Variants in MDFIC observed in about 807,000 individuals in gnomAD.
MDFIC encodes MyoD family inhibitor domain containing, also known as myoD family inhibitor domain-containing protein.
MDFIC carries 17 observed loss-of-function variants against 23.2 expected under a neutral mutation model. The ratio of observed to expected loss-of-function variants is 0.73; its 90% confidence interval spans 0.50 to 1.10. The LOEUF (loss-of-function observed/expected upper bound fraction) is 1.10, where lower values mean the gene tolerates loss of function less well. Among genes scored for constraint, MDFIC ranks in the 50% least tolerant of loss-of-function variants. MDFIC has a pLI of 0.00. For missense variants in MDFIC, 356 were observed against 316.6 expected, an observed-to-expected ratio of 1.12 and a Z score of -0.95; for synonymous variants, 120 against 115.2, an observed-to-expected ratio of 1.04 and a Z score of -0.27.
chr7:114,979,725 G>T lies in MDFIC; in HGVS notation c.437G>T (p.Ser146Ile). The change falls in exon 4 of 5, where the codon AGT (serine) becomes ATT (isoleucine). Residue 146 changes from serine to isoleucine, a missense_variant. By Grantham distance (142) the Ser-to-Ile change is moderately radical (BLOSUM62 -2). Coordinates refer to ENST00000393486, the MANE Select transcript of MDFIC (RefSeq NM_001166345.3). ...QSSLSVNSDI[S>I]KKSKVNAVFS... ...AGCTTGTCTGTAAACAGCGATATCA[G>T]TAAGAAGAGCAAAGTAAATGCTGTC... The T allele has an allele frequency of 6.2e-7, 1 of 1,614,114 alleles. No homozygotes were observed. The highest frequency in any genetic ancestry group is 8.5e-7 in the Non-Finnish European group (1 of 1,179,992).
chr7:114,979,659 C>T lies in MDFIC; in HGVS notation c.371C>T (p.Ser124Leu), dbSNP rs764638487. 2 of 1,614,060 alleles carry T rather than the reference C, an allele frequency of 1.2e-6. No homozygotes were observed. The highest frequency in any genetic ancestry group is 2.2e-5 in the South Asian group (2 of 91,080). Residue 124 changes from serine (S) to leucine (L), a missense_variant, in exon 4 of 5, where the codon TCA becomes TTA. Physicochemically the swap from Ser to Leu is moderately radical, Grantham distance 145 (BLOSUM62 -2). Coordinates refer to ENST00000393486, the MANE Select transcript of MDFIC (RefSeq NM_001166345.3). ...GGATCCGCAGATAATCGCAAACTTTCAGCACCTGTTTCTCAAAAAATGCAT... is the reference window on the plus strand; with the variant it reads ...GGATCCGCAGATAATCGCAAACTTTTAGCACCTGTTTCTCAAAAAATGCAT... ...KHGSADNRKL[S>L]APVSQKMHRK...
At chr7:114,947,974 G>A (rs1019481734) in intron 3 of MDFIC, among the ~76,000 whole-genome samples, 1 of 152,126 alleles carries the variant, frequency 6.6e-6, no homozygotes, top group African/African-American at 2.4e-5. Context: ...CATCATGGCT[G>A]CATTGAGTTA....
intron 2 of MDFIC, chr7:114,933,788 A>G (rs1792374723): frequency 6.6e-6 from 1 of 152,250 alleles, no homozygotes; most frequent in Non-Finnish European, 1.5e-5. Flanking sequence ...GATACTTTCT[A>G]ATATGGCACT....
intron 2 of MDFIC, among the ~76,000 whole-genome samples, chr7:114,925,333 T>C (rs183632648): frequency 3.9e-5 from 6 of 152,274 alleles, no homozygotes; most frequent in Admixed American, 2.6e-4. Flanking sequence ...TAATCTGAAC[T>C]CCACATCAAG....
At chr7:114,958,709 C>T (rs1187160605) in intron 3 of MDFIC, among the ~76,000 whole-genome samples, 3 of 152,176 alleles carry the variant, frequency 2.0e-5, no homozygotes, top group Non-Finnish European at 4.4e-5. Context: ...TGAGATTGCA[C>T]CATTGCACTC....
At chr7:114,928,378 C>T (rs1164913305) in intron 2 of MDFIC, among the ~76,000 whole-genome samples, 1 of 151,094 alleles carries the variant, frequency 6.6e-6, no homozygotes, top group African/African-American at 2.4e-5. Context: ...GAAATCAGTG[C>T]CATAGTAGAG....
intron 3 of MDFIC, among the ~76,000 whole-genome samples, chr7:114,955,430 G>A (rs1429025599): frequency 6.6e-6 from 1 of 152,080 alleles, no homozygotes; most frequent in Admixed American, 6.5e-5. Context: ...TGCCTCATCT[G>A]GGACTGGGAG....
chr7:114,985,377 G>A (rs1793493083), intron 4 of MDFIC, among the ~76,000 whole-genome samples: 1 of 152,094 alleles, frequency 6.6e-6, no homozygotes, highest in South Asian at 2.1e-4. Context: ...ATGCCTGGAT[G>A]GGGACCTGAA....
intron 4 of MDFIC, among the ~76,000 whole-genome samples, chr7:114,981,494 CT>C (rs1793416590): frequency 6.6e-6 from 1 of 152,152 alleles, no homozygotes; most frequent in Non-Finnish European, 1.5e-5. Flanking sequence ...TTCCCTCCCT[CT>C]TTTACTTTTT....
intron 4 of MDFIC, chr7:115,013,955 C>CTGTTTA (rs1791737746): frequency 1.0e-6 from 1 of 980,190 alleles, no homozygotes; most frequent in Admixed American, 6.2e-5. Context: ...TCTCACAACT[C>CTGTTTA]TGTTTTTGTT....
chr7:114,962,713 T>C (rs1793016982), intron 3 of MDFIC, among the ~76,000 whole-genome samples: 1 of 152,194 alleles, frequency 6.6e-6, no homozygotes, highest in Non-Finnish European at 1.5e-5. Flanking sequence ...ATTATGTGTT[T>C]TAACCGAGTA....
rs536319156 is a variant in MDFIC at position 115,003,402 on chromosome 7, A to G, written c.494-12286A>G. The stretch of plus-strand genomic sequence containing the variant: ...AGACTTAGCAAGGCTCACACTCAAC[A>G]TATTTTAAACCAAACTGTTTTTCCT... On this transcript the variant is annotated intron_variant, in intron 4 of 4. Coordinates refer to ENST00000393486, the MANE Select transcript of MDFIC (RefSeq NM_001166345.3). 2.2e-4 allele frequency among the ~76,000 whole-genome samples: 34 copies of G among 152,314 alleles called. No homozygotes were observed. In the South Asian group the frequency reaches 5.6e-3, roughly 25 times the overall value.
At chr7:114,960,858 G>A (rs1792976806) in intron 3 of MDFIC, among the ~76,000 whole-genome samples, 1 of 152,084 alleles carries the variant, frequency 6.6e-6, no homozygotes, top group African/African-American at 2.4e-5. Context: ...AAACAATAGT[G>A]GATCAAATAT....
At chr7:115,003,086 C>T (rs1791495802) in intron 4 of MDFIC, among the ~76,000 whole-genome samples, 2 of 152,206 alleles carry the variant, frequency 1.3e-5, no homozygotes, top group South Asian at 4.1e-4. Context: ...GAGTATCTGA[C>T]ACAACCTCCT....
rs747836268 is a variant in MDFIC, at chr7:114,922,628, G to T, written c.-116G>T. The stretch of plus-strand genomic sequence containing the variant: ...AAGGGGCTTGGAGCGACTACGGGGG[G>T]ATGCGGAGGTAGGTAGTGGTCTCCG... On this transcript the variant is annotated 5_prime_UTR_variant, in exon 1 of 5. Transcript: ENST00000393486. The T allele has an allele frequency of 2.3e-6, 3 of 1,283,016 alleles. No homozygotes were observed. The highest frequency in any genetic ancestry group is 3.0e-6 in the Non-Finnish European group (3 of 1,008,688). The allele number at this position is 1,283,016 out of a possible 1,614,324, so 79.5% of individuals were successfully genotyped here.
At chr7:114,990,963 C>A (rs1008718226) in intron 4 of MDFIC, among the ~76,000 whole-genome samples, 1 of 151,856 alleles carries the variant, frequency 6.6e-6, no homozygotes, top group African/African-American at 2.4e-5. Flanking sequence ...ACAGTCCCAC[C>A]AACAGTGTAA....
chr7:114,979,622 G>A lies in MDFIC; in HGVS notation c.334G>A (p.Gly112Arg), dbSNP rs768391278. The A allele has an allele frequency of 3.1e-6, 5 of 1,613,950 alleles. No individual in the cohort carries two copies. The highest frequency in any genetic ancestry group is 2.7e-5 in the African/African-American group (2 of 74,998). The change falls in exon 4 of 5, where the codon GGG becomes AGG. Residue 112 changes from glycine to arginine, a missense_variant. Gly to Arg is a moderately radical substitution (Grantham distance 125). Transcript: ENST00000393486. ...GAGCAATGGAAATGGAATTCACCAC[G>A]GGGCCAAACACGGATCCGCAGATAA... ...GLSNGNGIHH[G>R]AKHGSADNRK... is the part of the protein sequence containing the mutation.
intron 2 of MDFIC, among the ~76,000 whole-genome samples, chr7:114,939,626 A>G (rs560757034): frequency 3.3e-5 from 5 of 152,258 alleles, no homozygotes; most frequent in South Asian, 4.1e-4. Flanking sequence ...CTATGTGTAT[A>G]TGGTCCACAT....
chr7:114,998,395 A>G (rs946364952), intron 4 of MDFIC, among the ~76,000 whole-genome samples: 27 of 152,338 alleles, frequency 1.8e-4, no homozygotes, highest in African/African-American at 6.3e-4. Flanking sequence ...TTTAGCTAAA[A>G]TATTTTACCT....
Sources: allele counts gnomAD v4.1 joint callset (sites outside exome capture counted in the v4.1 genomes callset), GRCh38; gene constraint gnomAD v4.1.1; transcripts MANE v1.5; gene names NCBI Gene and HGNC (gene_info 2026-07-23, HGNC 2026-07-21).